Variants in FNBP4 observed in about 807,000 individuals in gnomAD.
FNBP4 encodes the protein formin-binding protein 4.
Under a neutral mutation model 119.3 loss-of-function variants are expected in FNBP4, and 34 were observed. That is an observed-to-expected ratio of 0.28 (90% confidence interval 0.22 to 0.38). The LOEUF is 0.38. FNBP4 is among the 10% of genes least tolerant of loss of function. The pLI is 1.00. For missense variants in FNBP4, 1,112 were observed against 1,228.9 expected (o/e 0.90, Z 1.42); for synonymous variants, 462 against 430.6 (o/e 1.07, Z -0.90).
At chr11:47,726,106 A>G (rs1379076612) in intron 12 of FNBP4, 1 of 152,228 alleles carries the variant, frequency 6.6e-6, no homozygotes, top group African/African-American at 2.4e-5. Context: ...ACCCAGAAGA[A>G]GTCACCTGTT....
intron 12 of FNBP4, 42 bp downstream of exon 12, chr11:47,731,332 A>T: frequency 6.5e-7 from 1 of 1,527,082 alleles, no homozygotes; most frequent in Non-Finnish European, 8.8e-7. Flanking sequence ...TTTTTCCTCT[A>T]AAGTCATTTT....
chr11:47,757,296 G>A (rs2097621222), intron 2 of FNBP4, among the ~76,000 whole-genome samples: 1 of 151,958 alleles, frequency 6.6e-6, no homozygotes, highest in South Asian at 2.1e-4. Context: ...CTCACTACAA[G>A]CTCTGCCTCT....
intron 4 of FNBP4, 43 bp from the exon 5 acceptor site, chr11:47,751,333 T>C: frequency 1.9e-6 from 3 of 1,610,558 alleles, no homozygotes; most frequent in Non-Finnish European, 2.5e-6. Flanking sequence ...CCTCTACAAT[T>C]CTGGCTTACA....
intron 9 of FNBP4, among the ~76,000 whole-genome samples, chr11:47,734,924 G>C (rs570078728): frequency 3.3e-4 from 49 of 150,506 alleles, no homozygotes; most frequent in Non-Finnish European, 3.5e-4. Flanking sequence ...AGTGAGCCAA[G>C]ATTGTGCCAC....
At chr11:47,751,429 G>T in intron 4 of FNBP4, 139 bp from the exon 5 acceptor site, 1 of 913,048 alleles carries the variant, frequency 1.1e-6, no homozygotes, top group Non-Finnish European at 1.7e-6. Flanking sequence ...TTGTGGAGGG[G>T]CAATCCTATG....
chr11:47,760,228 A>G (rs2097630477), intron 2 of FNBP4, among the ~76,000 whole-genome samples: 2 of 151,190 alleles, frequency 1.3e-5, no homozygotes, highest in Middle Eastern at 3.4e-3. Flanking sequence ...GTTTGTGAGA[A>G]ATTCAGAGAG....
At chr11:47,740,663 G>A (rs1258398207) in intron 8 of FNBP4, among the ~76,000 whole-genome samples, 2 of 151,010 alleles carry the variant, frequency 1.3e-5, no homozygotes, top group Non-Finnish European at 2.9e-5. Flanking sequence ...GCACAAACTC[G>A]GCTCACTCCA....
intron 2 of FNBP4, among the ~76,000 whole-genome samples, chr11:47,760,495 A>T (rs532413915): frequency 1.3e-5 from 2 of 150,302 alleles, no homozygotes; most frequent in African/African-American, 4.9e-5. Context: ...GCAGCAGCAC[A>T]ACCTTGGCTC....
chr11:47,736,957 C>A (rs1462704103), intron 8 of FNBP4, among the ~76,000 whole-genome samples: 1 of 152,112 alleles, frequency 6.6e-6, no homozygotes, highest in Non-Finnish European at 1.5e-5. Context: ...TGTAATCCCA[C>A]CACTTTGGCA....
chr11:47,742,939 TC>T (rs1440708313), intron 8 of FNBP4, among the ~76,000 whole-genome samples: 1 of 141,196 alleles, frequency 7.1e-6, no homozygotes, highest in East Asian at 1.9e-4. Flanking sequence ...AGGATGTCTT[TC>T]TTTATTTAAC....
rs1741421620 is a variant in FNBP4 at position 47,723,551 on chromosome 11, A to G, written c.2465-235T>C. On this transcript the variant is annotated intron_variant, in intron 14 of 16. Coordinates refer to ENST00000263773, the MANE Select transcript of FNBP4 (RefSeq NM_015308.5). ...TAAATATACAAGACAATCTGGAAGC[A>G]TATGTGCTGAACGTTTTTTGTGTTT... Among the ~76,000 whole-genome samples the G allele has an allele frequency of 2.0e-5, 3 of 152,184 alleles. No individual in the cohort carries two copies. In the South Asian group the frequency reaches 6.2e-4, roughly 31 times the overall value.
At chr11:47,731,043 A>T (rs1565128693) in intron 12 of FNBP4, among the ~76,000 whole-genome samples, 1 of 152,230 alleles carries the variant, frequency 6.6e-6, no homozygotes, top group Non-Finnish European at 1.5e-5. Context: ...ATATATTGAC[A>T]GTTCAACTAT....
At chr11:47,736,892 C>T in intron 8 of FNBP4, 152 bp from the exon 9 acceptor site, 1 of 762,706 alleles carries the variant, frequency 1.3e-6, no homozygotes, top group Non-Finnish European at 2.0e-6. Flanking sequence ...AACATGTCAG[C>T]CTACTGTCTA....
intron 9 of FNBP4, among the ~76,000 whole-genome samples, chr11:47,736,334 A>C (rs994376394): frequency 1.3e-5 from 2 of 152,060 alleles, no homozygotes; most frequent in African/African-American, 4.8e-5. Context: ...AGGTGGGGGA[A>C]TCATGAACGC....
At chr11:47,758,593 G>A (rs2097625300) in intron 2 of FNBP4, among the ~76,000 whole-genome samples, 1 of 152,014 alleles carries the variant, frequency 6.6e-6, no homozygotes, top group Non-Finnish European at 1.5e-5. Flanking sequence ...GGACAGGCAT[G>A]GTGGCTCATG....
intron 1 of FNBP4, among the ~76,000 whole-genome samples, 199 bp from the exon 2 acceptor site, chr11:47,765,561 C>CCAAGACG (rs1240601596): frequency 6.1e-5 from 1 of 16,298 alleles, no homozygotes; most frequent in Non-Finnish European, 1.2e-4. Context: ...CTTTGGGAGG[C>CCAAGACG]CAAGACGGGG....
chr11:47,724,800 A>AG, intron 12 of FNBP4, 22 bp from the exon 13 acceptor site: 1 of 1,523,206 alleles, frequency 6.6e-7, no homozygotes, highest in Middle Eastern at 1.8e-4. Context: ...GGTAAGAGTC[A>AG]GGGAAAAAGC....
intron 15 of FNBP4, among the ~76,000 whole-genome samples, chr11:47,722,025 A>G (rs2097556215): frequency 1.2e-4 from 1 of 8,284 alleles, no homozygotes; most frequent in African/African-American, 6.8e-4. Flanking sequence ...AAAAAAAAAA[A>G]AAAAAAAAAA....
chr11:47,724,323 C>A, intron 13 of FNBP4, 145 bp downstream of exon 13: 1 of 1,522,064 alleles, frequency 6.6e-7, no homozygotes, highest in Admixed American at 1.9e-5. Context: ...CTTAAGCAAT[C>A]CTCCTGCTTC....
Sources: gnomAD v4.1 joint callset for allele counts (sites outside exome capture counted in the v4.1 genomes callset) on GRCh38, gnomAD v4.1.1 for gene constraint, MANE v1.5 for transcripts, NCBI Gene and HGNC (gene_info 2026-07-23, HGNC 2026-07-21) for gene names.